SGCZ: variants seen among roughly 807,000 people sequenced by gnomAD.
The protein encoded by SGCZ is sarcoglycan zeta, also known as zeta-sarcoglycan.
A neutral mutation model predicts 41.3 loss-of-function variants in SGCZ; 40 were observed. That is an observed-to-expected ratio of 0.97 (90% CI 0.75 to 1.26). The LOEUF is 1.26. Among genes scored for constraint, SGCZ ranks in the 50% most tolerant of loss-of-function variants. The probability of loss-of-function intolerance (pLI) is 0.00; values close to 1 mark genes in which losing one functional copy is unlikely to be tolerated. For missense variants in SGCZ, 552 were observed against 369.8 expected, an observed-to-expected ratio of 1.49 and a Z score of -4.04; for synonymous variants, 206 against 137.5, an observed-to-expected ratio of 1.50 and a Z score of -3.49.
At chr8:14,941,806 T>TATGTAATATATGTTACATATATTGC (rs1800283606) in intron 1 of SGCZ, among the ~76,000 whole-genome samples, 1 of 151,632 alleles carries the variant, frequency 6.6e-6, no homozygotes, top group Non-Finnish European at 1.5e-5. Flanking sequence ...ATGTCATATA[T>TATGTAATATATGTTACATATATTGC]ATGTAATATA....
In SGCZ at chr8:14,090,425, G is replaced by C. The variant is rs142672566; in HGVS notation, c.*18C>G. The C allele has an allele frequency of 3.2e-4, 517 of 1,607,156 alleles. 1 individual carries two copies. The African/African-American group carries it at 6.5e-3, about 20-fold the overall frequency. ...CAGGAACAAAAGGCTATTCTGGTGT[G>C]AGGAGAAATCAGTCACTTCAGCTCC... On this transcript the variant is annotated 3_prime_UTR_variant, in exon 8 of 8. Transcript: ENST00000382080.
intron 2 of SGCZ, among the ~76,000 whole-genome samples, chr8:14,438,732 A>T (rs1563329412): frequency 6.6e-6 from 1 of 152,020 alleles, no homozygotes; most frequent in African/African-American, 2.4e-5. Flanking sequence ...TAATTTTTTT[A>T]AATCTGAGAA....
chr8:14,097,436 T>C (rs1801880368), intron 7 of SGCZ, among the ~76,000 whole-genome samples: 2 of 152,200 alleles, frequency 1.3e-5, no homozygotes, highest in African/African-American at 4.8e-5. Context: ...GAGTTCTAAT[T>C]TGATTGCACT....
At chr8:14,503,744 G>C (rs955228718) in intron 2 of SGCZ, among the ~76,000 whole-genome samples, 2 of 152,122 alleles carry the variant, frequency 1.3e-5, no homozygotes, top group African/African-American at 4.8e-5. Context: ...CTCCAGCCTG[G>C]TGACAGAGCA....
chr8:14,309,316 G>A (rs750196089), intron 3 of SGCZ: 259 of 1,595,140 alleles, frequency 1.6e-4, no homozygotes, highest in Non-Finnish European at 2.1e-4. Context: ...ATGGTATTGA[G>A]ACTATGTGGG....
In SGCZ at chr8:15,097,931, T is replaced by C. The variant is rs556825141; in HGVS notation, c.39+139654A>G. ...ATATACGTGTGTATATATATATATA[T>C]ACATACATACACCATTGCTAGAAAA... On this transcript the variant is annotated intron_variant, in intron 1 of 7. Transcript: ENST00000382080. Among the ~76,000 whole-genome samples, 36 of 144,160 alleles carry C rather than the reference T, an allele frequency of 2.5e-4. No individual in the cohort carries two copies. In the South Asian group the frequency reaches 2.8e-3, roughly 11 times the overall value. 94.6% of individuals were successfully genotyped at this position (144,160 alleles called of 152,430 possible).
At chr8:14,261,019 G>C (rs1211688390) in intron 3 of SGCZ, among the ~76,000 whole-genome samples, 1 of 152,074 alleles carries the variant, frequency 6.6e-6, no homozygotes, top group African/African-American at 2.4e-5. Context: ...AGTGGGTGCA[G>C]TGCACCAGCA....
intron 3 of SGCZ, among the ~76,000 whole-genome samples, chr8:14,311,517 T>G (rs944291040): frequency 3.9e-5 from 6 of 152,124 alleles, no homozygotes; most frequent in Non-Finnish European, 8.8e-5. Flanking sequence ...TCTTCAAATC[T>G]TTTTGGATCA....
At chr8:15,177,425 G>A (rs1243202886) in intron 1 of SGCZ, among the ~76,000 whole-genome samples, 1 of 152,138 alleles carries the variant, frequency 6.6e-6, no homozygotes, top group Non-Finnish European at 1.5e-5. Flanking sequence ...CAAGTATTCA[G>A]CAATTTTCCA....
chr8:14,349,653 G>A (rs1360328306), intron 2 of SGCZ, among the ~76,000 whole-genome samples: 1 of 152,054 alleles, frequency 6.6e-6, no homozygotes, highest in Non-Finnish European at 1.5e-5. Context: ...TCATATGCAG[G>A]AAAGCCACTT....
intron 2 of SGCZ, among the ~76,000 whole-genome samples, chr8:14,338,173 C>T (rs1403585008): frequency 6.6e-6 from 1 of 152,094 alleles, no homozygotes; most frequent in Non-Finnish European, 1.5e-5. Flanking sequence ...CAAATTTTGA[C>T]AGTAAATGGA....
chr8:14,273,260 G>T (rs910638531), intron 3 of SGCZ, among the ~76,000 whole-genome samples: 1 of 151,962 alleles, frequency 6.6e-6, no homozygotes, highest in Non-Finnish European at 1.5e-5. Flanking sequence ...CTTAGTCCTA[G>T]GCTCAGTGCT....
intron 1 of SGCZ, among the ~76,000 whole-genome samples, chr8:14,905,392 C>A (rs1179957754): frequency 6.6e-6 from 1 of 151,902 alleles, no homozygotes; most frequent in Admixed American, 6.6e-5. Context: ...GACATCACAC[C>A]GCTTTCCAGG....
At position 14,920,871 on chromosome 8, in the gene SGCZ, G is replaced by A. The variant is rs1799569444; in HGVS notation, c.39+316714C>T. Among the ~76,000 whole-genome samples the A allele has an allele frequency of 2.6e-5, 4 of 152,142 alleles. No homozygotes were observed. In the South Asian group the frequency reaches 8.3e-4, roughly 32 times the overall value. The stretch of plus-strand genomic sequence containing the variant: ...GTAATAGCATTGCTATAGTGGCACT[G>A]TGCTGGGCACCGCATGCCTGAACCA... On this transcript the variant is annotated intron_variant, in intron 1 of 7. Coordinates refer to ENST00000382080, the MANE Select transcript of SGCZ (RefSeq NM_139167.4).
At chr8:14,965,802 T>G (rs950879974) in intron 1 of SGCZ, among the ~76,000 whole-genome samples, 2 of 152,150 alleles carry the variant, frequency 1.3e-5, no homozygotes, top group African/African-American at 4.8e-5. Flanking sequence ...CCAATGCTAG[T>G]AAGTACATAT....
intron 1 of SGCZ, among the ~76,000 whole-genome samples, chr8:14,890,621 G>C (rs747279066): frequency 1.1e-4 from 16 of 152,222 alleles, no homozygotes; most frequent in Non-Finnish European, 1.6e-4. Flanking sequence ...TGCTGAAGTA[G>C]ACACTGCAGT....
chr8:14,466,698 G>A (rs1801060094), intron 2 of SGCZ, among the ~76,000 whole-genome samples: 1 of 151,376 alleles, frequency 6.6e-6, no homozygotes, highest in Non-Finnish European at 1.5e-5. Flanking sequence ...CTGTCTTCTA[G>A]TTTGTGGAAT....
intron 1 of SGCZ, among the ~76,000 whole-genome samples, chr8:14,926,587 T>C (rs1456431992): frequency 6.6e-6 from 1 of 151,940 alleles, no homozygotes; most frequent in Non-Finnish European, 1.5e-5. Flanking sequence ...AATATATTTC[T>C]TGGGCAAACT....
chr8:15,045,180 G>C (rs1240390270), intron 1 of SGCZ, among the ~76,000 whole-genome samples: 1 of 152,066 alleles, frequency 6.6e-6, no homozygotes, highest in African/African-American at 2.4e-5. Context: ...CACAGAAAAA[G>C]ACTGTCATTC....
Sources: allele counts gnomAD v4.1 joint callset (sites outside exome capture counted in the v4.1 genomes callset), GRCh38; gene constraint gnomAD v4.1.1; transcripts MANE v1.5; gene names NCBI Gene and HGNC (gene_info 2026-07-23, HGNC 2026-07-21).